TAF7: variants seen among roughly 807,000 people sequenced by gnomAD.
The protein encoded by TAF7 is transcription initiation factor TFIID subunit 7.
Under a neutral mutation model 25.3 loss-of-function variants are expected in TAF7, and 9 were observed. That is an observed-to-expected ratio of 0.36 (90% CI 0.21 to 0.62). The LOEUF (loss-of-function observed/expected upper bound fraction) is 0.62, where lower values mean the gene tolerates loss of function less well. Ranked by LOEUF, TAF7 falls within the 20% of genes least tolerant of loss-of-function variation. TAF7 has a pLI of 0.72. For missense variants in TAF7, 311 were observed against 410.6 expected, an observed-to-expected ratio of 0.76 and a Z score of 2.10; for synonymous variants, 127 against 146.7, an observed-to-expected ratio of 0.87 and a Z score of 0.97.
chr5:141,320,160 A>T lies in TAF7; in HGVS notation c.-116T>A. On this transcript the variant is annotated 5_prime_UTR_variant, in exon 1 of 1. Coordinates refer to ENST00000313368, the MANE Select transcript of TAF7 (RefSeq NM_005642.3). ...TGAATTGAAATCTTTTAATTACAAG[A>T]AGTTCTCTGTAGATCAGCAGCTAAG... 1 of 917,466 alleles carries T rather than the reference A, an allele frequency of 1.1e-6. No individual in the cohort carries two copies. The highest frequency in any genetic ancestry group is 1.8e-5 in the South Asian group (1 of 56,510). 56.8% of individuals were successfully genotyped at this position (917,466 alleles called of 1,614,324 possible). A position where few individuals can be genotyped will look rare whatever the true frequency, so the allele number is the denominator to read the frequency against.
chr5:141,319,396 C>A lies in TAF7; in HGVS notation c.649G>T (p.Asp217Tyr). 2 of 1,614,188 alleles carry A rather than the reference C, an allele frequency of 1.2e-6. No individual in the cohort carries two copies. Among genetic ancestry groups the A allele is most frequent in the South Asian group, 2.2e-5 (2 of 91,078 alleles). ...TCATTGAATATCTCCCGAAGCTCAT[C>A]ATGTTCTAATGAGTCATGGCCCTGC... ...HRQGHDSLEH[D>Y]ELREIFNDLS... Residue 217 changes from aspartate (D) to tyrosine (Y), a missense_variant, in exon 1 of 1, where the codon GAT becomes TAT. Physicochemically the swap from Asp to Tyr is radical, Grantham distance 160. Coordinates refer to ENST00000313368, the MANE Select transcript of TAF7 (RefSeq NM_005642.3). The surrounding 1 kb of genome is among the most constrained non-coding windows in gnomAD (Gnocchi z 5.3).
rs1756148221 is a variant in TAF7, at chr5:141,320,712, C to G, written c.-668G>C. The G allele has an allele frequency of 6.0e-6, 1 of 167,198 alleles. No individual in the cohort carries two copies. The highest frequency in any genetic ancestry group is 1.5e-5 in the Non-Finnish European group (1 of 68,184). The allele number at this position is 167,198 out of a possible 1,614,324, so 10.4% of individuals were successfully genotyped here. On this transcript the variant is annotated 5_prime_UTR_variant, in exon 1 of 1. Transcript: ENST00000313368. ...GGCAGCGCGAAATCTTGCCGAGAGG[C>G]GCAGCTCGCATCACCAGACCCCGCA...
chr5:141,319,018 G>C lies in TAF7; in HGVS notation c.1027C>G (p.Leu343Val). The change falls in exon 1 of 1, where the codon CTA becomes GTA. Residue 343 changes from leucine to valine, a missense_variant. Leu to Val is a conservative substitution (Grantham distance 32). Around this residue, in one of 3 missense-constraint regions of TAF7, gnomAD observed 179 missense variants for 206.7 expected, o/e 0.87. Transcript: ENST00000313368. The surrounding 1 kb of genome is among the most constrained non-coding windows in gnomAD (Gnocchi z 5.3). ...TTTTACTTCTCTAGGAGTGATTCTA[G>C]CTCCTCTTGCAAAGAGCTGAGTTGC... is the stretch of plus-strand genomic sequence containing the variant. ...KEQLSSLQEE[L>V]ESLLEK 6.2e-7 allele frequency: 1 copy of C among 1,609,366 alleles called. No individual in the cohort carries two copies. Among genetic ancestry groups the C allele is most frequent in the Non-Finnish European group, 8.5e-7 (1 of 1,178,504 alleles).
chr5:141,319,480 T>C lies in TAF7; in HGVS notation c.565A>G (p.Thr189Ala). ...TRWEIIAEDE[T>A]KEAENQGLDI... ...AGGCCTTGATTTTCTGCCTCCTTTGTTTCATCTTCGGCAATTATTTCCCAC... is the reference window on the plus strand; with the variant it reads ...AGGCCTTGATTTTCTGCCTCCTTTGCTTCATCTTCGGCAATTATTTCCCAC... The change falls in exon 1 of 1, where the codon ACA becomes GCA. Residue 189 changes from threonine to alanine, a missense_variant. Thr to Ala is a moderately conservative substitution (Grantham distance 58, BLOSUM62 0). This residue lies in a region of TAF7 where 179 missense variants were observed against 206.7 expected (regional missense o/e 0.87). Coordinates refer to ENST00000313368, the MANE Select transcript of TAF7 (RefSeq NM_005642.3). This position sits in a 1 kb window ranked among gnomAD's most constrained non-coding sequence, Gnocchi z 5.3. The C allele has an allele frequency of 2.5e-6, 4 of 1,614,188 alleles. No homozygotes were observed. Among genetic ancestry groups the C allele is most frequent in the Non-Finnish European group, 2.5e-6 (3 of 1,180,032 alleles).
rs758636269 is a variant in TAF7 at position 141,319,046 on chromosome 5, C to T, written c.999G>A (p.Lys333=). The T allele has an allele frequency of 8.1e-6, 13 of 1,613,544 alleles. No individual in the cohort carries two copies. Among genetic ancestry groups the T allele is most frequent in the Middle Eastern group, 1.6e-4 (1 of 6,084 alleles). The change falls in exon 1 of 1, where the codon AAG becomes AAA. Residue 333 remains lysine, a synonymous_variant. Coordinates refer to ENST00000313368, the MANE Select transcript of TAF7 (RefSeq NM_005642.3). This position sits in a 1 kb window ranked among gnomAD's most constrained non-coding sequence, Gnocchi z 5.3. ...CCTCTTGCAAAGAGCTGAGTTGCTC[C>T]TTTTCTCGGTCTTCCTTTTGTTTGA... The part of the protein sequence containing the change: ...DELKQKEDRE[K]EQLSSLQEEL...
At position 141,320,087 on chromosome 5, in the gene TAF7, C is replaced by G. The variant is rs1211491230; in HGVS notation, c.-43G>C. 1.4e-5 allele frequency: 21 copies of G among 1,550,246 alleles called. No individual in the cohort carries two copies. Among genetic ancestry groups the G allele is most frequent in the Non-Finnish European group, 1.8e-5 (21 of 1,142,156 alleles). On this transcript the variant is annotated 5_prime_UTR_variant, in exon 1 of 1. Transcript: ENST00000313368. ...TCACTTCTCCAATAAATGCTGGTTA[C>G]ACTAAAAAGTTCCAGCTACTGCAAT...
At position 141,319,787 on chromosome 5, in the gene TAF7, G is replaced by A; in HGVS notation, c.258C>T (p.Tyr86=). ...GCATCTGACAGATATCAGCTGTCTTGTAAAAAGTTTTTTTATCAATGGTTT... is the reference window on the plus strand; with the variant it reads ...GCATCTGACAGATATCAGCTGTCTTATAAAAAGTTTTTTTATCAATGGTTT... The part of the protein sequence containing the change: ...SLKTIDKKTF[Y]KTADICQMLV... Residue 86 remains tyrosine, a synonymous_variant, in exon 1 of 1, where the codon TAC becomes TAT. Transcript: ENST00000313368. The surrounding 1 kb of genome is among the most constrained non-coding windows in gnomAD (Gnocchi z 5.3). 1 of 1,614,066 alleles carries A rather than the reference G, an allele frequency of 6.2e-7. No homozygotes were observed. Among genetic ancestry groups the A allele is most frequent in the Non-Finnish European group, 8.5e-7 (1 of 1,180,024 alleles).
In TAF7 at chr5:141,319,041, T is replaced by G. The variant is rs1305253426; in HGVS notation, c.1004A>C (p.Gln335Pro). 1 of 1,613,644 alleles carries G rather than the reference T, an allele frequency of 6.2e-7. No individual in the cohort carries two copies. The highest frequency in any genetic ancestry group is 1.1e-5 in the South Asian group (1 of 90,984). Residue 335 changes from glutamine to proline, a missense_variant, in exon 1 of 1, where the codon CAA (glutamine) becomes CCA (proline). By Grantham distance (76) the Gln-to-Pro change is moderately conservative. Transcript: ENST00000313368. The surrounding 1 kb of genome is among the most constrained non-coding windows in gnomAD (Gnocchi z 5.3). ...TAGCTCCTCTTGCAAAGAGCTGAGT[T>G]GCTCCTTTTCTCGGTCTTCCTTTTG... ...LKQKEDREKE[Q>P]LSSLQEELES...
chr5:141,320,099 C>A lies in TAF7; in HGVS notation c.-55G>T. 1.4e-6 allele frequency: 2 copies of A among 1,476,386 alleles called. No individual in the cohort carries two copies. Among genetic ancestry groups the A allele is most frequent in the Non-Finnish European group, 1.8e-6 (2 of 1,086,360 alleles). The allele number at this position is 1,476,386 out of a possible 1,614,324, so 91.5% of individuals were successfully genotyped here. ...TAAATGCTGGTTACACTAAAAAGTT[C>A]CAGCTACTGCAATAGTTTAAAACAC... is the stretch of plus-strand genomic sequence containing the variant. On this transcript the variant is annotated 5_prime_UTR_variant, in exon 1 of 1. Transcript: ENST00000313368.
rs757344081 is a variant in TAF7, at chr5:141,318,754, A to C, written c.*241T>G. Reference sequence around the variant, plus strand: ...TTAAGGTTGAACCATACATTCCGCTAATCCTGCAACTTTCCTACAATCATT... The same window carrying C: ...TTAAGGTTGAACCATACATTCCGCTCATCCTGCAACTTTCCTACAATCATT... On this transcript the variant is annotated 3_prime_UTR_variant, in exon 1 of 1. Transcript: ENST00000313368. 1.5e-5 allele frequency: 6 copies of C among 389,198 alleles called. No homozygotes were observed. Among genetic ancestry groups the C allele is most frequent in the Non-Finnish European group, 2.3e-5 (5 of 218,454 alleles). 24.1% of individuals were successfully genotyped at this position (389,198 alleles called of 1,614,324 possible). A position where few individuals can be genotyped will look rare whatever the true frequency, so the allele number is the denominator to read the frequency against.
At position 141,320,597 on chromosome 5, in the gene TAF7, G is replaced by C. The variant is rs943471553; in HGVS notation, c.-553C>G. ...AGGCCGCAAGGAGCCAAGCGGGAGA[G>C]AGCCGAGCGTCTCCTTGTCGTTTCC... is the stretch of plus-strand genomic sequence containing the variant. On this transcript the variant is annotated 5_prime_UTR_variant, in exon 1 of 1. Transcript: ENST00000313368. 4 of 167,744 alleles carry C rather than the reference G, an allele frequency of 2.4e-5. No homozygotes were observed. In the Admixed American group the frequency reaches 2.6e-4, roughly 11 times the overall value. The allele number at this position is 167,744 out of a possible 1,614,324, so 10.4% of individuals were successfully genotyped here.
rs1756136353 is a variant in TAF7, at chr5:141,320,140, T to A, written c.-96A>T. Reference sequence around the variant, plus strand: ...TTTAAAACACCAGTTTGCTATGAATTGAAATCTTTTAATTACAAGAAGTTC... The same window carrying A: ...TTTAAAACACCAGTTTGCTATGAATAGAAATCTTTTAATTACAAGAAGTTC... On this transcript the variant is annotated 5_prime_UTR_variant, in exon 1 of 1. Transcript: ENST00000313368. The A allele has an allele frequency of 9.1e-7, 1 of 1,096,194 alleles. No individual in the cohort carries two copies. The highest frequency in any genetic ancestry group is 1.6e-5 in the African/African-American group (1 of 62,818). The allele number at this position is 1,096,194 out of a possible 1,614,324, so 67.9% of individuals were successfully genotyped here.
At position 141,320,257 on chromosome 5, in the gene TAF7, CGTT is replaced by C; in HGVS notation, c.-216_-214del. The C allele has an allele frequency of 1.7e-6, 1 of 576,304 alleles. No homozygotes were observed. Among genetic ancestry groups the C allele is most frequent in the Middle Eastern group, 4.7e-4 (1 of 2,122 alleles). The allele number at this position is 576,304 out of a possible 1,614,324, so 35.7% of individuals were successfully genotyped here. A position where few individuals can be genotyped will look rare whatever the true frequency, so the allele number is the denominator to read the frequency against. On this transcript the variant is annotated 5_prime_UTR_variant, in exon 1 of 1. Coordinates refer to ENST00000313368, the MANE Select transcript of TAF7 (RefSeq NM_005642.3). ...AAATATGCTGTGACCGAATACCAGT[CGTT>C]AACACAAAGGCTTATTCACAGACTT...
chr5:141,319,241 G>A lies in TAF7; in HGVS notation c.804C>T (p.His268=), dbSNP rs530657871. ...QDKLNESDEQ[H]QENEGTNQLV... is the part of the protein sequence containing the mutation. Reference sequence around the variant, plus strand: ...GCTGATTGGTTCCTTCATTTTCCTGGTGCTGTTCATCTGATTCATTTAGCT... The same window carrying A: ...GCTGATTGGTTCCTTCATTTTCCTGATGCTGTTCATCTGATTCATTTAGCT... The change falls in exon 1 of 1, where the codon CAC becomes CAT. Residue 268 remains histidine (H), a synonymous_variant. Transcript: ENST00000313368. This position sits in a 1 kb window ranked among gnomAD's most constrained non-coding sequence, Gnocchi z 5.3. The A allele has an allele frequency of 2.5e-6, 4 of 1,613,854 alleles. No homozygotes were observed. The South Asian group carries it at 4.4e-5, about 18-fold the overall frequency.
Position 141,319,205 on chromosome 5 carries a change from T to C in TAF7, c.840A>G (p.Gly280=). The C allele has an allele frequency of 5.0e-6, 8 of 1,614,148 alleles. No homozygotes were observed. Among genetic ancestry groups the C allele is most frequent in the Non-Finnish European group, 6.8e-6 (8 of 1,180,044 alleles). Residue 280 remains glycine, a synonymous_variant, in exon 1 of 1, where the codon GGA becomes GGG. Transcript: ENST00000313368. The surrounding 1 kb of genome is among the most constrained non-coding windows in gnomAD (Gnocchi z 5.3). The part of the protein sequence containing the change: ...ENEGTNQLVM[G]IQKQIDNMKG... The stretch of plus-strand genomic sequence containing the variant: ...TCATGTTGTCAATCTGCTTCTGAAT[T>C]CCCATAACCAGCTGATTGGTTCCTT...
chr5:141,320,309 G>A lies in TAF7; in HGVS notation c.-265C>T, dbSNP rs1231656582. 4 of 377,348 alleles carry A rather than the reference G, an allele frequency of 1.1e-5. No homozygotes were observed. Among genetic ancestry groups the A allele is most frequent in the Non-Finnish European group, 2.0e-5 (4 of 198,764 alleles). The allele number at this position is 377,348 out of a possible 1,614,324, so 23.4% of individuals were successfully genotyped here. On this transcript the variant is annotated 5_prime_UTR_variant, in exon 1 of 1. Transcript: ENST00000313368. ...TTAAGTTCATTAAATCAGATGCAAT[G>A]CCAAGTCCCAACCTCTAGGTGCCGC...
rs991769774 is a variant in TAF7 at position 141,320,175 on chromosome 5, C to T, written c.-131G>A. The T allele has an allele frequency of 3.7e-5, 29 of 791,502 alleles. No individual in the cohort carries two copies. The highest frequency in any genetic ancestry group is 5.6e-5 in the Non-Finnish European group (28 of 498,504). The allele number at this position is 791,502 out of a possible 1,614,324, so 49.0% of individuals were successfully genotyped here. On this transcript the variant is annotated 5_prime_UTR_variant, in exon 1 of 1. Transcript: ENST00000313368. Reference sequence around the variant, plus strand: ...TAATTACAAGAAGTTCTCTGTAGATCAGCAGCTAAGCGTCTATTTTGCCTT... The same window carrying T: ...TAATTACAAGAAGTTCTCTGTAGATTAGCAGCTAAGCGTCTATTTTGCCTT...
Position 141,320,162 on chromosome 5 carries a change from G to C in TAF7, c.-118C>G. Reference sequence around the variant, plus strand: ...AATTGAAATCTTTTAATTACAAGAAGTTCTCTGTAGATCAGCAGCTAAGCG... The same window carrying C: ...AATTGAAATCTTTTAATTACAAGAACTTCTCTGTAGATCAGCAGCTAAGCG... On this transcript the variant is annotated 5_prime_UTR_variant, in exon 1 of 1. Coordinates refer to ENST00000313368, the MANE Select transcript of TAF7 (RefSeq NM_005642.3). The C allele has an allele frequency of 2.3e-6, 2 of 880,548 alleles. No individual in the cohort carries two copies. The highest frequency in any genetic ancestry group is 3.5e-6 in the Non-Finnish European group (2 of 577,974). The allele number at this position is 880,548 out of a possible 1,614,324, so 54.5% of individuals were successfully genotyped here.
Position 141,319,327 on chromosome 5 carries a change from C to A in TAF7, c.718G>T (p.Asp240Tyr). 6.2e-7 allele frequency: 1 copy of A among 1,614,066 alleles called. No homozygotes were observed. Among genetic ancestry groups the A allele is most frequent in the Admixed American group, 1.7e-5 (1 of 60,018 alleles). The change falls in exon 1 of 1, where the codon GAT becomes TAT. Residue 240 changes from aspartate to tyrosine, a missense_variant. By Grantham distance (160) the Asp-to-Tyr change is radical. Coordinates refer to ENST00000313368, the MANE Select transcript of TAF7 (RefSeq NM_005642.3). The surrounding 1 kb of genome is among the most constrained non-coding windows in gnomAD (Gnocchi z 5.3). ...TCAATGATGTTTATATCTTCTTCATCTTGATGCTGGGTCTCATCTTCATCC... is the reference window on the plus strand; with the variant it reads ...TCAATGATGTTTATATCTTCTTCATATTGATGCTGGGTCTCATCTTCATCC... ...SEDEDETQHQ[D>Y]EEDINIIDTE... is the part of the protein sequence containing the mutation.
Sources: gnomAD v4.1 joint callset for allele counts on GRCh38, gnomAD v4.1.1 for gene constraint, gnomAD v4.1.1 regional missense constraint, Gnocchi (gnomAD v3.1) non-coding constraint, MANE v1.5 for transcripts, NCBI Gene and HGNC (gene_info 2026-07-23, HGNC 2026-07-21) for gene names.